The following PER3 variants were observed in gnomAD, a reference collection of about 807,000 sequenced individuals.
The protein encoded by PER3 is period circadian regulator 3, also known as period circadian protein homolog 3.
In PER3, 107 loss-of-function variants were observed where a neutral mutation model predicts 127.2. The observed-to-expected ratio is 0.84, with a 90% CI of 0.72 to 0.99. The LOEUF is 0.99. Ranked by LOEUF, PER3 falls within the 50% of genes least tolerant of loss-of-function variation. The pLI is 0.00. For synonymous variants in PER3, 618 were observed against 585.8 expected (o/e 1.05, Z -0.79); for missense variants, 1,560 against 1,525.8 (o/e 1.02, Z -0.37).
chr1:7,804,398 CT>C (rs568675301), intron 10 of PER3, among the ~76,000 whole-genome samples: 2,052 of 124,434 alleles, frequency 0.016, 39 homozygotes, highest in African/African-American at 0.054. Context: ...TTGTTTGTGT[CT>C]TTTTTTTTTT....
In PER3 at chr1:7,834,905, A is replaced by C. The variant is rs147388448; in HGVS notation, c.3215-857A>C. On this transcript the variant is annotated intron_variant, in intron 19 of 21. Transcript: ENST00000377532. ...AGGTTCTAGAAGGGTCAAATGCAAG[A>C]TAGGAAAGGAATGATCCATAAGGCT... Among the ~76,000 whole-genome samples, 297 of 152,304 alleles carry C rather than the reference A, an allele frequency of 2.0e-3. 2 individuals carry two copies. Among genetic ancestry groups the C allele is most frequent in the Non-Finnish European group, 3.3e-3 (225 of 68,036 alleles).
chr1:7,797,540 C>T (rs1280275479), intron 6 of PER3, among the ~76,000 whole-genome samples: 2 of 151,576 alleles, frequency 1.3e-5, no homozygotes, highest in Non-Finnish European at 2.9e-5. Flanking sequence ...GAGGCTGAGG[C>T]AGGAGAATCA....
Position 7,809,873 on chromosome 1 carries a change from G to C in PER3, c.1243-20G>C. 1 of 1,611,576 alleles carries C rather than the reference G, an allele frequency of 6.2e-7. No homozygotes were observed. The highest frequency in any genetic ancestry group is 8.5e-7 in the Non-Finnish European group (1 of 1,178,570). On this transcript the variant is annotated intron_variant, in intron 11 of 21. Coordinates refer to ENST00000377532, the MANE Select transcript of PER3 (RefSeq NM_001377275.1). ...TTGAACAGCCAGCAATTCTGGACTTGTTCCTCTTTGTCCTTCCAGCCAGTT... is the reference window on the plus strand; with the variant it reads ...TTGAACAGCCAGCAATTCTGGACTTCTTCCTCTTTGTCCTTCCAGCCAGTT...
intron 19 of PER3, among the ~76,000 whole-genome samples, chr1:7,833,091 T>A (rs889889186): frequency 8.5e-5 from 13 of 152,128 alleles, no homozygotes; most frequent in Non-Finnish European, 1.6e-4. Flanking sequence ...ATTTGGAGAT[T>A]TTTTTTAGAT....
At chr1:7,838,898 A>G (rs1209988863) in intron 21 of PER3, among the ~76,000 whole-genome samples, 1 of 152,198 alleles carries the variant, frequency 6.6e-6, no homozygotes, top group Non-Finnish European at 1.5e-5. Flanking sequence ...GGTTCAGTCA[A>G]TCTCTGTCTT....
chr1:7,815,999 A>AAT (rs1241442685), intron 13 of PER3, among the ~76,000 whole-genome samples: 1 of 128,994 alleles, frequency 7.8e-6, no homozygotes, highest in East Asian at 2.2e-4. Flanking sequence ...CTCAAAAAAA[A>AAT]AAAAAAAAAA....
At chr1:7,805,309 G>A (rs1051165717) in intron 10 of PER3, among the ~76,000 whole-genome samples, 6 of 152,242 alleles carry the variant, frequency 3.9e-5, no homozygotes, top group Admixed American at 2.6e-4. Context: ...TTGGTATCTT[G>A]TTATACAGCA....
chr1:7,802,936 C>G (rs757828359), intron 8 of PER3, 111 bp from the exon 9 acceptor site: 12 of 732,376 alleles, frequency 1.6e-5, no homozygotes, highest in Non-Finnish European at 2.8e-5. Flanking sequence ...CTAAGATAAA[C>G]AGCTTTGCAT....
rs886790940 is a variant in PER3 at position 7,788,232 on chromosome 1, A to G, written c.578A>G (p.Asn193Ser). ...AGAGCTCAGCTTCCTTTCTGGAACA[A>G]CTGGACCCAAAGAGGTAACAGGACC... ...TARAQLPFWNNWTQRAAARYE... is the reference protein window; with the variant it reads ...TARAQLPFWNSWTQRAAARYE... Residue 193 changes from asparagine (N) to serine (S), a missense_variant, in exon 5 of 22, where the codon AAC becomes AGC. By Grantham distance (46) the Asn-to-Ser change is conservative (BLOSUM62 1). Around this residue, in one of 3 missense-constraint regions of PER3, gnomAD observed 1,332 missense variants for 1,223.6 expected, o/e 1.09. Transcript: ENST00000377532. 1.3e-5 allele frequency: 21 copies of G among 1,613,112 alleles called. No individual in the cohort carries two copies. The highest frequency in any genetic ancestry group is 1.7e-5 in the Admixed American group (1 of 60,002).
In PER3 at chr1:7,784,803, CACTG is replaced by C. The variant is rs965454704; in HGVS notation, c.-70_-67del. On this transcript the variant is annotated 5_prime_UTR_variant, in exon 2 of 22. It removes the in-frame stop codon of an upstream open reading frame in the 5' UTR. Transcript: ENST00000377532. ...ACCGGAGTGAGAAACCGGTGTCTGT[CACTG>C]ACTGCAAAGTGAGCGAGAAGCAGGC... 8.0e-6 allele frequency: 11 copies of C among 1,366,708 alleles called. No homozygotes were observed. In the African/African-American group the frequency reaches 1.1e-4, roughly 13 times the overall value. The allele number at this position is 1,366,708 out of a possible 1,614,324, so 84.7% of individuals were successfully genotyped here.
chr1:7,815,987 G>A lies in PER3; in HGVS notation c.1523-3298G>A, dbSNP rs530811313. Among the ~76,000 whole-genome samples the A allele has an allele frequency of 6.1e-3, 300 of 49,474 alleles. 1 individual carries two copies. The highest frequency in any genetic ancestry group is 0.025 in the African/African-American group (274 of 10,768). 32.5% of individuals were successfully genotyped at this position (49,474 alleles called of 152,430 possible). On this transcript the variant is annotated intron_variant, in intron 13 of 21. Coordinates refer to ENST00000377532, the MANE Select transcript of PER3 (RefSeq NM_001377275.1). ...CAGCCTGGGCGACAGAGCGGACTCC[G>A]TCTCAAAAAAAAAAAAAAAAAAAAA...
intron 14 of PER3, 145 bp downstream of exon 14, chr1:7,819,565 T>A: frequency 1.4e-6 from 1 of 698,650 alleles, no homozygotes. Flanking sequence ...GCCTAACACA[T>A]ACGCTGAACA....
At chr1:7,814,779 A>ATAC (rs992579715) in intron 13 of PER3, among the ~76,000 whole-genome samples, 1 of 152,232 alleles carries the variant, frequency 6.6e-6, no homozygotes, top group African/African-American at 2.4e-5. Context: ...TGTGACAACA[A>ATAC]TACTACAGAG....
intron 6 of PER3, among the ~76,000 whole-genome samples, chr1:7,796,336 T>TTTTTTTTC (rs1188385104): frequency 5.6e-4 from 84 of 149,400 alleles, no homozygotes; most frequent in African/African-American, 1.9e-3. Flanking sequence ...TTTTTTTTTT[T>TTTTTTTTC]GAGACAGGAT....
chr1:7,831,516 G>C (rs1342663691), intron 19 of PER3, among the ~76,000 whole-genome samples: 12 of 152,120 alleles, frequency 7.9e-5, no homozygotes, highest in African/African-American at 2.7e-4. Context: ...ACACTTGCCT[G>C]GTTCACAGTC....
chr1:7,808,402 A>G (rs2097205416), intron 10 of PER3, among the ~76,000 whole-genome samples: 1 of 152,216 alleles, frequency 6.6e-6, no homozygotes, highest in Non-Finnish European at 1.5e-5. Flanking sequence ...TTGAGTATAA[A>G]TAAGACCGAA....
chr1:7,810,278 A>G, intron 12 of PER3, 160 bp from the exon 13 acceptor site: 1 of 634,086 alleles, frequency 1.6e-6, no homozygotes, highest in Non-Finnish European at 2.7e-6. Context: ...TGTTGGTACC[A>G]GTATACTGTG....
chr1:7,827,845 T>C (rs1387888141), intron 18 of PER3, 30 bp downstream of exon 18: 3 of 1,516,870 alleles, frequency 2.0e-6, no homozygotes, highest in African/African-American at 1.4e-5. Context: ...AACACTCAAG[T>C]GAGAAAGTGA....
At chr1:7,828,122 A>G (rs918121187) in intron 18 of PER3, among the ~76,000 whole-genome samples, 5 of 152,196 alleles carry the variant, frequency 3.3e-5, no homozygotes, top group Non-Finnish European at 7.3e-5. Flanking sequence ...CGTTACAGGT[A>G]TTACGCTTAA....
Sources: gnomAD v4.1 joint callset for allele counts (sites outside exome capture counted in the v4.1 genomes callset) on GRCh38, gnomAD v4.1.1 for gene constraint, gnomAD v4.1.1 regional missense constraint, MANE v1.5 for transcripts, NCBI Gene and HGNC (gene_info 2026-07-23, HGNC 2026-07-21) for gene names.